CACNA2D3: variants seen among roughly 807,000 people sequenced by gnomAD.
CACNA2D3 encodes the protein voltage-dependent calcium channel subunit alpha-2/delta-3.
Under a neutral mutation model 160.6 loss-of-function variants are expected in CACNA2D3, and 60 were observed. That is an observed-to-expected ratio of 0.37 (90% CI 0.30 to 0.46). The LOEUF (loss-of-function observed/expected upper bound fraction) is 0.46, where lower values mean the gene tolerates loss of function less well. Ranked by LOEUF, CACNA2D3 falls within the 20% of genes least tolerant of loss-of-function variation. The probability of loss-of-function intolerance (pLI) is 1.00; values close to 1 mark genes in which losing one functional copy is unlikely to be tolerated. For missense variants in CACNA2D3, 1,205 were observed against 1,365.0 expected (o/e 0.88, Z 1.85); for synonymous variants, 558 against 492.9 (o/e 1.13, Z -1.75).
At chr3:54,623,024 C>T (rs62255533) in intron 9 of CACNA2D3, among the ~76,000 whole-genome samples, 26,266 of 152,158 alleles carry the variant, frequency 0.17, 3,005 homozygotes, top group Non-Finnish European at 0.25. Context: ...GAAGCTTTCA[C>T]GAGGTATGGT....
intron 2 of CACNA2D3, among the ~76,000 whole-genome samples, chr3:54,251,207 G>C (rs751789467): frequency 6.6e-6 from 1 of 152,106 alleles, no homozygotes; most frequent in Non-Finnish European, 1.5e-5. Context: ...AGAGGGATGG[G>C]GTGATATTGG....
chr3:54,305,746 A>G (rs1202976384), intron 2 of CACNA2D3, among the ~76,000 whole-genome samples: 1 of 152,244 alleles, frequency 6.6e-6, no homozygotes, highest in Non-Finnish European at 1.5e-5. Flanking sequence ...TCAGGAGACT[A>G]TAAATATAGA....
chr3:54,798,405 A>G (rs966617108), intron 13 of CACNA2D3, among the ~76,000 whole-genome samples: 4 of 152,090 alleles, frequency 2.6e-5, no homozygotes, highest in African/African-American at 9.7e-5. Context: ...GCGCGTTGGC[A>G]TGTACCTGTA....
chr3:54,413,896 G>A (rs1210477244), intron 4 of CACNA2D3, among the ~76,000 whole-genome samples: 1 of 126,936 alleles, frequency 7.9e-6, no homozygotes, highest in African/African-American at 2.9e-5. Context: ...TCTTTTGACT[G>A]CTTTTTCTTT....
chr3:54,174,034 A>G (rs553266032), intron 2 of CACNA2D3, among the ~76,000 whole-genome samples: 1 of 152,290 alleles, frequency 6.6e-6, no homozygotes, highest in East Asian at 1.9e-4. Context: ...ATCGGTAAAC[A>G]TTTTCTGTAA....
intron 13 of CACNA2D3, among the ~76,000 whole-genome samples, chr3:54,804,406 C>G (rs1032597931): frequency 1.3e-5 from 2 of 152,088 alleles, no homozygotes; most frequent in African/African-American, 4.8e-5. Context: ...GGTTGCAATC[C>G]TAGTCTCTGA....
intron 2 of CACNA2D3, among the ~76,000 whole-genome samples, chr3:54,131,794 T>C (rs1332168309): frequency 1.3e-5 from 2 of 152,196 alleles, no homozygotes; most frequent in South Asian, 2.1e-4. Context: ...CCTCCTAATC[T>C]TGTCCTTTGC....
chr3:55,051,774 C>A (rs1355509011), intron 35 of CACNA2D3, among the ~76,000 whole-genome samples: 3 of 152,146 alleles, frequency 2.0e-5, no homozygotes, highest in African/African-American at 7.2e-5. Flanking sequence ...GGGCGTAGGA[C>A]CCTCCGAGCC....
chr3:54,987,786 A>G, intron 31 of CACNA2D3, 33 bp downstream of exon 31: 2 of 1,505,410 alleles, frequency 1.3e-6, no homozygotes, highest in Non-Finnish European at 1.8e-6. Flanking sequence ...CATTCCCCCC[A>G]AAAGTTTTCC....
At chr3:54,157,443 C>T (rs905961556) in intron 2 of CACNA2D3, among the ~76,000 whole-genome samples, 2 of 152,154 alleles carry the variant, frequency 1.3e-5, no homozygotes, top group Non-Finnish European at 2.9e-5. Context: ...ATGACTTCCT[C>T]TTTAAGTGAG....
intron 2 of CACNA2D3, among the ~76,000 whole-genome samples, chr3:54,248,843 C>T (rs1702131057): frequency 6.6e-6 from 1 of 152,142 alleles, no homozygotes; most frequent in African/African-American, 2.4e-5. Flanking sequence ...GAGGTGCTTG[C>T]TGAAGGCAAA....
At chr3:54,456,306 A>G (rs1224809317) in intron 4 of CACNA2D3, among the ~76,000 whole-genome samples, 1 of 151,682 alleles carries the variant, frequency 6.6e-6, no homozygotes, top group Non-Finnish European at 1.5e-5. Flanking sequence ...TATTTTATTT[A>G]TTTTTGGTAC....
At chr3:54,288,814 A>G (rs1703105269) in intron 2 of CACNA2D3, among the ~76,000 whole-genome samples, 1 of 152,186 alleles carries the variant, frequency 6.6e-6, no homozygotes, top group East Asian at 1.9e-4. Flanking sequence ...AGAACCAAAG[A>G]CAAAAACCAC....
At chr3:54,733,598 A>G (rs1441054585) in intron 11 of CACNA2D3, among the ~76,000 whole-genome samples, 1 of 152,218 alleles carries the variant, frequency 6.6e-6, no homozygotes, top group African/African-American at 2.4e-5. Context: ...TTTCACATTC[A>G]TTTACAGAGA....
chr3:54,724,227 A>G (rs894532044), intron 11 of CACNA2D3, among the ~76,000 whole-genome samples: 3 of 152,226 alleles, frequency 2.0e-5, no homozygotes, highest in African/African-American at 7.2e-5. Flanking sequence ...ACTATCCTAA[A>G]TATATATACA....
intron 4 of CACNA2D3, among the ~76,000 whole-genome samples, chr3:54,439,331 G>A (rs201821832): frequency 2.0e-4 from 30 of 149,228 alleles, no homozygotes; most frequent in Non-Finnish European, 3.8e-4. Flanking sequence ...GTGTGTGTGT[G>A]TTTGTGTGTG....
At chr3:54,911,351 C>CTTTTTTTTTTTTTTTTTTTTTT (rs58289082) in intron 27 of CACNA2D3, among the ~76,000 whole-genome samples, 1 of 58,584 alleles carries the variant, frequency 1.7e-5, no homozygotes, top group African/African-American at 8.8e-5. Flanking sequence ...TCTTTGTCGT[C>CTTTTTTTTTTTTTTTTTTTTTT]TTTTTTTTTT....
At chr3:54,423,457 C>T (rs961513738) in intron 4 of CACNA2D3, among the ~76,000 whole-genome samples, 1 of 152,160 alleles carries the variant, frequency 6.6e-6, no homozygotes, top group Non-Finnish European at 1.5e-5. Flanking sequence ...CCTTTGCACC[C>T]TCAGCCCCTA....
intron 2 of CACNA2D3, among the ~76,000 whole-genome samples, chr3:54,133,308 C>T (rs959032338): frequency 1.3e-5 from 2 of 152,066 alleles, no homozygotes; most frequent in Admixed American, 6.6e-5. Context: ...ACGTCTTTAA[C>T]ATCTGAGACA....
Sources: gnomAD v4.1 joint callset for allele counts (sites outside exome capture counted in the v4.1 genomes callset) on GRCh38, gnomAD v4.1.1 for gene constraint, MANE v1.5 for transcripts, NCBI Gene and HGNC (gene_info 2026-07-23, HGNC 2026-07-21) for gene names.